Variants in FRYL observed in about 807,000 individuals in gnomAD.
FRYL encodes the protein protein furry homolog-like.
FRYL carries 150 observed loss-of-function variants against 351.2 expected under a neutral mutation model. The ratio of observed to expected loss-of-function variants is 0.43; its 90% CI spans 0.37 to 0.49. The LOEUF (loss-of-function observed/expected upper bound fraction) is 0.49. FRYL is among the 20% of genes least tolerant of loss of function. FRYL has a pLI of 0.00. For missense variants in FRYL, 3,036 were observed against 3,619.3 expected (o/e 0.84, Z 4.13); for synonymous variants, 1,153 against 1,257.1 (o/e 0.92, Z 1.75).
chr4:48,566,200 C>A (rs1402791377), intron 28 of FRYL, among the ~76,000 whole-genome samples: 1 of 152,084 alleles, frequency 6.6e-6, no homozygotes, highest in Admixed American at 6.5e-5. Flanking sequence ...GATAAAAGGG[C>A]AGTTCAGGCC....
intron 59 of FRYL, among the ~76,000 whole-genome samples, chr4:48,507,322 G>A (rs767917719): frequency 9.2e-5 from 14 of 152,132 alleles, no homozygotes; most frequent in Non-Finnish European, 1.6e-4. Context: ...ATGGTAGTTT[G>A]TGCTCAGAAC....
At chr4:48,734,828 G>GT (rs1192975170) in intron 1 of FRYL, among the ~76,000 whole-genome samples, 1 of 152,046 alleles carries the variant, frequency 6.6e-6, no homozygotes, top group East Asian at 1.9e-4. Flanking sequence ...TTTTTCTCAG[G>GT]TTTGTCAAAG....
chr4:48,512,389 A>G, intron 57 of FRYL, 92 bp downstream of exon 57: 1 of 1,025,604 alleles, frequency 9.8e-7, no homozygotes, highest in Non-Finnish European at 1.4e-6. Context: ...ACTGGTAGGA[A>G]TATTAAAATC....
At chr4:48,746,764 T>C (rs951921057) in intron 1 of FRYL, among the ~76,000 whole-genome samples, 1 of 152,082 alleles carries the variant, frequency 6.6e-6, no homozygotes, top group African/African-American at 2.4e-5. Context: ...GCTGTGATTC[T>C]ACCTACTCTG....
At chr4:48,661,138 A>G (rs1360093222) in intron 3 of FRYL, among the ~76,000 whole-genome samples, 1 of 152,232 alleles carries the variant, frequency 6.6e-6, no homozygotes, top group Non-Finnish European at 1.5e-5. Flanking sequence ...AGTACACATA[A>G]ACTCTTTGTA....
intron 59 of FRYL, 149 bp downstream of exon 59, chr4:48,509,910 T>G (rs1294690289): frequency 5.2e-6 from 3 of 582,320 alleles, no homozygotes; most frequent in Non-Finnish European, 6.1e-6. Flanking sequence ...ATTTGCTGGA[T>G]AGAGAGCTCA....
In FRYL at chr4:48,535,586, T is replaced by C. The variant is rs201118931; in HGVS notation, c.6564+71A>G. 1.1e-3 allele frequency: 523 copies of C among 458,038 alleles called. 4 individuals are homozygous for C. Among genetic ancestry groups the C allele is most frequent in the South Asian group, 6.7e-3 (88 of 13,118 alleles). 28.4% of individuals were successfully genotyped at this position (458,038 alleles called of 1,614,324 possible). ...ATATATATGTGTATATATATACACA[T>C]ACACACACACACACACACACACACA... On this transcript the variant is annotated intron_variant, in intron 48 of 63. Transcript: ENST00000358350.
intron 13 of FRYL, among the ~76,000 whole-genome samples, chr4:48,600,726 T>C (rs1194160095): frequency 6.6e-6 from 1 of 152,150 alleles, no homozygotes; most frequent in Non-Finnish European, 1.5e-5. Context: ...TGAAAAATCA[T>C]ACTATCCAGA....
chr4:48,543,661 T>C, intron 44 of FRYL, 146 bp downstream of exon 44: 1 of 640,360 alleles, frequency 1.6e-6, no homozygotes, highest in East Asian at 2.8e-5. Flanking sequence ...AAAACTAACT[T>C]TGTCTCTTAA....
rs1416530068 is a variant in FRYL at position 48,531,227 on chromosome 4, T to C, written c.6832A>G (p.Thr2278Ala). ...TTAGAAACATTATTAAAAATTTTAG[T>C]GAAGGATATTTCAGGAGAACCTGTA... ...GDTGSPEISF[T>A]KIFNNVSKEL... Residue 2278 changes from threonine to alanine, a missense_variant, in exon 50 of 64, where the codon ACT (threonine) becomes GCT (alanine). Transcript: ENST00000358350. The C allele has an allele frequency of 6.2e-7, 1 of 1,612,646 alleles. No homozygotes were observed. Among genetic ancestry groups the C allele is most frequent in the African/African-American group, 1.3e-5 (1 of 74,880 alleles).
In FRYL at chr4:48,559,566, C is replaced by T. The variant is rs560201597; in HGVS notation, c.3866-1854G>A. ...AAAAAAAAAAAGCCAGGTGTGGTGC[C>T]GCACACCTGTAGTCCCAGCTACTGG... On this transcript the variant is annotated intron_variant, in intron 33 of 63. Coordinates refer to ENST00000358350, the MANE Select transcript of FRYL (RefSeq NM_015030.2). Among the ~76,000 whole-genome samples, 366 of 106,744 alleles carry T rather than the reference C, an allele frequency of 3.4e-3. 6 individuals carry two copies. Among genetic ancestry groups the T allele is most frequent in the African/African-American group, 0.012 (323 of 27,020 alleles). 70.0% of individuals were successfully genotyped at this position (106,744 alleles called of 152,430 possible).
intron 10 of FRYL, 65 bp downstream of exon 10, chr4:48,606,373 A>T: frequency 9.3e-7 from 1 of 1,069,638 alleles, no homozygotes; most frequent in Non-Finnish European, 1.3e-6. Context: ...GTTTCTTTTA[A>T]AAAGTCATGA....
chr4:48,532,380 G>A (rs1727854087), intron 49 of FRYL, among the ~76,000 whole-genome samples: 1 of 152,156 alleles, frequency 6.6e-6, no homozygotes, highest in African/African-American at 2.4e-5. Flanking sequence ...TTTAAAGGCC[G>A]GGAGCAATGG....
intron 58 of FRYL, among the ~76,000 whole-genome samples, chr4:48,510,612 T>C (rs1214462817): frequency 6.6e-6 from 1 of 152,100 alleles, no homozygotes; most frequent in Non-Finnish European, 1.5e-5. Context: ...AGTTTTCCCA[T>C]CTAGGACTCT....
chr4:48,503,655 C>G (rs1360745920), intron 60 of FRYL, among the ~76,000 whole-genome samples: 1 of 152,168 alleles, frequency 6.6e-6, no homozygotes, highest in Non-Finnish European at 1.5e-5. Flanking sequence ...AAAAGTCATT[C>G]TTAAGCCTGC....
chr4:48,677,739 A>C (rs1041234065), intron 3 of FRYL, among the ~76,000 whole-genome samples: 6 of 152,236 alleles, frequency 3.9e-5, no homozygotes, highest in Admixed American at 2.0e-4. Context: ...ATATTGAATT[A>C]GTAATTAAAG....
At chr4:48,566,368 C>T (rs1174583184) in intron 28 of FRYL, among the ~76,000 whole-genome samples, 1 of 152,144 alleles carries the variant, frequency 6.6e-6, no homozygotes, top group East Asian at 1.9e-4. Flanking sequence ...TACATCTATC[C>T]TTCTTGAAGA....
intron 43 of FRYL, 135 bp downstream of exon 43, chr4:48,544,648 G>T (rs1292957687): frequency 6.2e-6 from 4 of 641,668 alleles, no homozygotes; most frequent in South Asian, 7.5e-5. Context: ...AAACAGATCT[G>T]TTATCATTAA....
intron 3 of FRYL, among the ~76,000 whole-genome samples, chr4:48,659,561 G>A (rs1418536765): frequency 2.5e-3 from 1 of 408 alleles, no homozygotes; most frequent in African/African-American, 2.6e-3. Flanking sequence ...GAGGGAGAAG[G>A]AGAAGAGGGA....
Sources: allele counts gnomAD v4.1 joint callset (sites outside exome capture counted in the v4.1 genomes callset), GRCh38; gene constraint gnomAD v4.1.1; transcripts MANE v1.5; gene names NCBI Gene and HGNC (gene_info 2026-07-23, HGNC 2026-07-21).